Variants in PLXNA4 observed in about 807,000 individuals in gnomAD.
The protein encoded by PLXNA4 is plexin-A4.
In PLXNA4, 44 loss-of-function variants were observed where a neutral mutation model predicts 191.8. The observed-to-expected ratio is 0.23, with a 90% CI of 0.18 to 0.29. The LOEUF is 0.29. PLXNA4 is among the 10% of genes least tolerant of loss of function. The pLI is 1.00. For synonymous variants in PLXNA4, 1,082 were observed against 1,009.5 expected (o/e 1.07, Z -1.36); for missense variants, 1,800 against 2,488.8 (o/e 0.72, Z 5.89).
chr7:132,175,454 G>A lies in PLXNA4; in HGVS notation c.3875-534C>T, dbSNP rs1043909611. ...ATCAGAGCCATCAAACTTCCAAATGGGGCAGAGATGGAGGCTCAGCCACAC... is the reference window on the plus strand; with the variant it reads ...ATCAGAGCCATCAAACTTCCAAATGAGGCAGAGATGGAGGCTCAGCCACAC... On this transcript the variant is annotated intron_variant, in intron 20 of 31. Transcript: ENST00000321063. 7.9e-5 allele frequency among the ~76,000 whole-genome samples: 12 copies of A among 152,306 alleles called. 1 individual carries two copies. Among genetic ancestry groups the A allele is most frequent in the South Asian group, 4.2e-4 (2 of 4,818 alleles).
chr7:132,229,967 G>T (rs1203166606), intron 5 of PLXNA4, among the ~76,000 whole-genome samples: 1 of 152,106 alleles, frequency 6.6e-6, no homozygotes, highest in African/African-American at 2.4e-5. Context: ...AAATGAAGGA[G>T]AAATCATTGA....
chr7:132,563,592 A>C (rs1275259576), intron 1 of PLXNA4, among the ~76,000 whole-genome samples: 2,193 of 23,858 alleles, frequency 0.092, no homozygotes, highest in Middle Eastern at 0.12. Context: ...CCTTCTCCTC[A>C]TCCTTTCTCC....
chr7:132,363,366 T>C (rs1585037816), intron 3 of PLXNA4, among the ~76,000 whole-genome samples: 2 of 152,200 alleles, frequency 1.3e-5, no homozygotes, highest in East Asian at 1.9e-4. Context: ...CCCTAGCCTC[T>C]GGCTACCATC....
chr7:132,576,954 C>T (rs1377184196), upstream of PLXNA4: 1 of 147,992 alleles, frequency 6.8e-6, no homozygotes, highest in Non-Finnish European at 1.5e-5. The surrounding 1 kb of genome is among the most constrained non-coding windows in gnomAD (Gnocchi z 5.8). Flanking sequence ...CCTCTGCGCG[C>T]CTCTCTGGGT....
In PLXNA4 at chr7:132,132,448, TTC is replaced by T. The variant is rs755739172; in HGVS notation, c.5589+599_5589+600del. On this transcript the variant is annotated intron_variant, in intron 31 of 31. Transcript: ENST00000321063. The stretch of plus-strand genomic sequence containing the variant: ...TTCTGTTCTGTTCTGTTCTGTTCTG[TTC>T]TGTTCTGTTCTGTTCTGCTCTGCTC... 6.2e-4 allele frequency among the ~76,000 whole-genome samples: 42 copies of T among 67,854 alleles called. 2 individuals are homozygous for T. In the South Asian group the frequency reaches 0.014, roughly 22 times the overall value. 44.5% of individuals were successfully genotyped at this position (67,854 alleles called of 152,430 possible). A position where few individuals can be genotyped will look rare whatever the true frequency, so the allele number is the denominator to read the frequency against.
At chr7:132,436,772 A>G (rs1372701261) in intron 3 of PLXNA4, among the ~76,000 whole-genome samples, 1 of 152,172 alleles carries the variant, frequency 6.6e-6, no homozygotes, top group Non-Finnish European at 1.5e-5. Flanking sequence ...GAGAAGCTGA[A>G]AGATGTTTGC....
intron 16 of PLXNA4, among the ~76,000 whole-genome samples, chr7:132,183,115 G>A (rs1419310534): frequency 6.6e-6 from 1 of 152,174 alleles, no homozygotes; most frequent in Non-Finnish European, 1.5e-5. Flanking sequence ...AAGAATCCTT[G>A]ACACACACAC....
chr7:132,204,881 A>G (rs879519939), intron 10 of PLXNA4, among the ~76,000 whole-genome samples: 5 of 152,198 alleles, frequency 3.3e-5, no homozygotes, highest in Non-Finnish European at 7.4e-5. Context: ...GCCCTCATAC[A>G]GCAACCACGG....
chr7:132,438,533 T>A (rs1037252905), intron 3 of PLXNA4, among the ~76,000 whole-genome samples: 2 of 152,190 alleles, frequency 1.3e-5, no homozygotes, highest in African/African-American at 4.8e-5. Flanking sequence ...ACACTGAATA[T>A]CAAGATAGGA....
chr7:132,227,323 A>T, intron 7 of PLXNA4, 128 bp downstream of exon 7: 1 of 1,282,184 alleles, frequency 7.8e-7, no homozygotes, highest in East Asian at 2.5e-5. Flanking sequence ...CACACCCACC[A>T]TCCCATGCCC....
intron 5 of PLXNA4, among the ~76,000 whole-genome samples, chr7:132,230,797 A>G (rs1220078816): frequency 3.3e-5 from 5 of 152,234 alleles, no homozygotes; most frequent in Non-Finnish European, 7.3e-5. Flanking sequence ...TCCTATTTCT[A>G]AGAGCAATCA....
intron 3 of PLXNA4, among the ~76,000 whole-genome samples, chr7:132,386,793 C>G (rs759294843): frequency 2.6e-5 from 4 of 152,190 alleles, no homozygotes; most frequent in Non-Finnish European, 5.9e-5. Flanking sequence ...CCAGGGTTGT[C>G]CCCAAAGACG....
intron 14 of PLXNA4, among the ~76,000 whole-genome samples, chr7:132,189,040 G>GAGAA (rs1562909191): frequency 1.3e-5 from 1 of 76,588 alleles, no homozygotes; most frequent in African/African-American, 8.2e-5. Context: ...AAGAGAGAGA[G>GAGAA]AGAGAGAGAG....
At chr7:132,210,803 G>C in intron 10 of PLXNA4, 140 bp downstream of exon 10, 1 of 933,264 alleles carries the variant, frequency 1.1e-6, no homozygotes, top group Non-Finnish European at 1.6e-6. Context: ...GTGCCAGCAG[G>C]CATGGGGGAA....
At chr7:132,318,435 G>T (rs1802030510) in intron 3 of PLXNA4, among the ~76,000 whole-genome samples, 1 of 152,132 alleles carries the variant, frequency 6.6e-6, no homozygotes, top group Admixed American at 6.5e-5. Flanking sequence ...CTGGGGGAGG[G>T]TCAGCTTCTC....
chr7:132,453,865 C>T (rs1332029589), intron 3 of PLXNA4, among the ~76,000 whole-genome samples: 1 of 152,162 alleles, frequency 6.6e-6, no homozygotes. Context: ...ACTCCAAATT[C>T]CCCTTCAAGA....
intron 4 of PLXNA4, among the ~76,000 whole-genome samples, chr7:132,259,525 C>T (rs183485135): frequency 6.9e-6 from 1 of 145,576 alleles, no homozygotes; most frequent in Non-Finnish European, 1.5e-5. Context: ...GTATTCCCTT[C>T]AAACCTCCAG....
chr7:132,530,019 A>G (rs975331964), intron 1 of PLXNA4, among the ~76,000 whole-genome samples: 1 of 152,162 alleles, frequency 6.6e-6, no homozygotes, highest in African/African-American at 2.4e-5. Context: ...CATCTGCTGG[A>G]AAGAAAGCCA....
intron 3 of PLXNA4, among the ~76,000 whole-genome samples, chr7:132,341,661 C>T (rs191018145): frequency 6.6e-6 from 1 of 152,158 alleles, no homozygotes; most frequent in Non-Finnish European, 1.5e-5. Context: ...CCCCAGCCCC[C>T]CTAGCCTGCC....
Sources: gnomAD v4.1 joint callset for allele counts (sites outside exome capture counted in the v4.1 genomes callset) on GRCh38, gnomAD v4.1.1 for gene constraint, Gnocchi (gnomAD v3.1) non-coding constraint, MANE v1.5 for transcripts, NCBI Gene and HGNC (gene_info 2026-07-23, HGNC 2026-07-21) for gene names.